TYR: variants seen among roughly 807,000 people sequenced by gnomAD.
TYR encodes the protein tyrosinase.
Under a neutral mutation model 51.5 loss-of-function variants are expected in TYR, and 58 were observed. That is an observed-to-expected ratio of 1.13 (90% confidence interval 0.91 to 1.40). TYR has a LOEUF of 1.40. TYR is among the 40% of genes most tolerant of loss of function. The probability of loss-of-function intolerance (pLI) is 0.00; values close to 1 mark genes in which losing one functional copy is unlikely to be tolerated. For synonymous variants in TYR, 263 were observed against 235.2 expected, an observed-to-expected ratio of 1.12 and a Z score of -1.08; for missense variants, 732 against 647.4, an observed-to-expected ratio of 1.13 and a Z score of -1.42.
intron 3 of TYR, among the ~76,000 whole-genome samples, chr11:89,232,321 T>C (rs1344865366): frequency 7.0e-6 from 1 of 143,332 alleles, no homozygotes; most frequent in East Asian, 2.0e-4. Context: ...TCATCAATGG[T>C]GTATTGGACA....
intron 2 of TYR, among the ~76,000 whole-genome samples, chr11:89,203,979 C>A (rs1943635526): frequency 6.6e-6 from 1 of 152,194 alleles, no homozygotes; most frequent in Non-Finnish European, 1.5e-5. Flanking sequence ...CTCCTCAATT[C>A]CCTTCCAGGG....
Position 89,195,921 on chromosome 11 carries a change from T to C in TYR, c.1036+4503T>C, listed in dbSNP as rs560704321. 9.3e-4 allele frequency among the ~76,000 whole-genome samples: 141 copies of C among 152,166 alleles called. 1 individual carries two copies. The highest frequency in any genetic ancestry group is 3.3e-3 in the African/African-American group (137 of 41,548). ...TTATTTATTTTTTTAATAGCACTGT[T>C]GGAGAATGGGACATGGGGACTGAAA... is the stretch of plus-strand genomic sequence containing the variant. On this transcript the variant is annotated intron_variant, in intron 2 of 4. Transcript: ENST00000263321.
chr11:89,264,447 G>C (rs1944500180), intron 3 of TYR, among the ~76,000 whole-genome samples: 1 of 151,824 alleles, frequency 6.6e-6, no homozygotes, highest in Non-Finnish European at 1.5e-5. Context: ...TGTCATGGGA[G>C]TTTGTTGTAC....
rs559355128 is a variant in TYR at position 89,283,614 on chromosome 11, G to C, written c.1185-1159G>C. 4.6e-5 allele frequency among the ~76,000 whole-genome samples: 7 copies of C among 151,858 alleles called. No homozygotes were observed. The South Asian group carries it at 1.2e-3, about 27-fold the overall frequency. ...CTCCAAGTTCAGTGATTTTCTTAGA[G>C]TTATACAGCCAGATGAAAACACAGA... is the stretch of plus-strand genomic sequence containing the variant. On this transcript the variant is annotated intron_variant, in intron 3 of 4. Transcript: ENST00000263321.
chr11:89,186,381 G>A (rs1259813459), intron 1 of TYR, among the ~76,000 whole-genome samples: 2 of 152,110 alleles, frequency 1.3e-5, no homozygotes, highest in Admixed American at 6.6e-5. Context: ...GGACAATGGA[G>A]CATATGCTTG....
chr11:89,222,287 G>A (rs903638668), intron 2 of TYR, among the ~76,000 whole-genome samples: 3 of 152,124 alleles, frequency 2.0e-5, no homozygotes, highest in African/African-American at 7.2e-5. Context: ...ACCCGGAGTG[G>A]TTTTCAAACT....
intron 2 of TYR, among the ~76,000 whole-genome samples, chr11:89,214,683 T>C (rs908318299): frequency 2.0e-5 from 3 of 152,034 alleles, no homozygotes; most frequent in Non-Finnish European, 2.9e-5. Flanking sequence ...ATATACACCA[T>C]GGAATACTAT....
chr11:89,178,469 T>G lies in TYR; in HGVS notation c.516T>G (p.Ile172Met). The change falls in exon 1 of 5, where the codon ATT becomes ATG. Residue 172 changes from isoleucine to methionine, a missense_variant. Transcript: ENST00000263321. ...CACCCATGTTTAACGACATCAATAT[T>G]TATGACCTCTTTGTCTGGATGCATT... ...GSTPMFNDIN[I>M]YDLFVWMHYY... The G allele has an allele frequency of 6.2e-7, 1 of 1,614,152 alleles. No homozygotes were observed. The highest frequency in any genetic ancestry group is 2.2e-5 in the East Asian group (1 of 44,868).
chr11:89,202,342 G>A (rs1194845148), intron 2 of TYR, among the ~76,000 whole-genome samples: 2 of 151,912 alleles, frequency 1.3e-5, no homozygotes, highest in African/African-American at 4.8e-5. Context: ...CAACCTTCTA[G>A]TATTTGGAAA....
At chr11:89,264,474 T>G (rs1944500520) in intron 3 of TYR, among the ~76,000 whole-genome samples, 1 of 151,958 alleles carries the variant, frequency 6.6e-6, no homozygotes, top group African/African-American at 2.4e-5. Flanking sequence ...GGTTGAAGTA[T>G]AAATTAGTTC....
intron 3 of TYR, among the ~76,000 whole-genome samples, chr11:89,241,361 G>T (rs1364116624): frequency 6.6e-6 from 1 of 151,982 alleles, no homozygotes; most frequent in Non-Finnish European, 1.5e-5. Context: ...CTGCTTACTT[G>T]CCTGTTTTCT....
At position 89,295,355 on chromosome 11, in the gene TYR, A is replaced by G. The variant is rs748956628; in HGVS notation, c.1579A>G (p.Ser527Gly). The change falls in exon 5 of 5, where the codon AGC becomes GGC. Residue 527 changes from serine (S) to glycine (G), a missense_variant. Physicochemically the swap from Ser to Gly is moderately conservative, Grantham distance 56. Transcript: ENST00000263321. Reference sequence around the variant, plus strand: ...AGAGGATTACCACAGCTTGTATCAGAGCCATTTATAAAAGGCTTAGGCAAT... The same window carrying G: ...AGAGGATTACCACAGCTTGTATCAGGGCCATTTATAAAAGGCTTAGGCAAT... ...EKEDYHSLYQ[S>G]HL 11 of 1,610,132 alleles carry G rather than the reference A, an allele frequency of 6.8e-6. No individual in the cohort carries two copies. In the Admixed American group the frequency reaches 1.5e-4, roughly 22 times the overall value.
chr11:89,217,175 AGT>A (rs1943842191), intron 2 of TYR, among the ~76,000 whole-genome samples: 1 of 152,330 alleles, frequency 6.6e-6, no homozygotes, highest in South Asian at 2.1e-4. Context: ...GAAGTGTTAA[AGT>A]CTCTCTTTAA....
At chr11:89,187,059 G>A (rs373107636) in intron 1 of TYR, among the ~76,000 whole-genome samples, 2 of 152,072 alleles carry the variant, frequency 1.3e-5, no homozygotes, top group African/African-American at 2.4e-5. Flanking sequence ...TTTTCTTATG[G>A]CAGCCTGAAC....
At chr11:89,283,111 C>T (rs1220347036) in intron 3 of TYR, among the ~76,000 whole-genome samples, 1 of 151,784 alleles carries the variant, frequency 6.6e-6, no homozygotes, top group Admixed American at 6.6e-5. Context: ...ACTTGACCTA[C>T]AGTAGATACT....
intron 2 of TYR, among the ~76,000 whole-genome samples, chr11:89,202,622 T>TACACACACACACAAAC (rs58419100): frequency 0.013 from 1,885 of 141,350 alleles, 42 homozygotes; most frequent in African/African-American, 0.044. Context: ...ATTTTCATAA[T>TACACACACACACAAAC]ACACACACAC....
chr11:89,248,335 T>C (rs7936840), intron 3 of TYR, among the ~76,000 whole-genome samples: 8,669 of 152,212 alleles, frequency 0.057, 301 homozygotes, highest in East Asian at 0.11. Flanking sequence ...ATAATATCTA[T>C]ATATTTTATA....
In TYR at chr11:89,189,029, A is replaced by G. The variant is rs1041804898; in HGVS notation, c.820-2173A>G. 3.9e-5 allele frequency among the ~76,000 whole-genome samples: 6 copies of G among 152,062 alleles called. No homozygotes were observed. The East Asian group carries it at 1.2e-3, about 29-fold the overall frequency. On this transcript the variant is annotated intron_variant, in intron 1 of 4. Transcript: ENST00000263321. Reference sequence around the variant, plus strand: ...GAACAACATCCTGTTGTCAGCCACAACTGAGATACAGGACTAGAACTCTCT... The same window carrying G: ...GAACAACATCCTGTTGTCAGCCACAGCTGAGATACAGGACTAGAACTCTCT...
intron 2 of TYR, among the ~76,000 whole-genome samples, chr11:89,206,450 T>A (rs542556857): frequency 2.0e-5 from 3 of 152,202 alleles, no homozygotes; most frequent in East Asian, 3.9e-4. Flanking sequence ...GACATCACAA[T>A]CCTAAATGTG....
Sources: gnomAD v4.1 joint callset for allele counts (sites outside exome capture counted in the v4.1 genomes callset) on GRCh38, gnomAD v4.1.1 for gene constraint, MANE v1.5 for transcripts, NCBI Gene and HGNC (gene_info 2026-07-23, HGNC 2026-07-21) for gene names.